Variants in NEGR1 observed in about 807,000 individuals in gnomAD.
NEGR1 encodes neuronal growth regulator 1.
A neutral mutation model predicts 40.9 loss-of-function variants in NEGR1; 10 were observed. The ratio of observed to expected loss-of-function variants is 0.24; its 90% CI spans 0.15 to 0.42. The LOEUF is 0.42. NEGR1 is among the 10% of genes least tolerant of loss of function. NEGR1 has a pLI of 1.00. For synonymous variants in NEGR1, 185 were observed against 166.8 expected (o/e 1.11, Z -0.84); for missense variants, 352 against 438.9 (o/e 0.80, Z 1.77).
At chr1:71,501,158 G>A (rs1421076426) in intron 6 of NEGR1, among the ~76,000 whole-genome samples, 1 of 151,974 alleles carries the variant, frequency 6.6e-6, no homozygotes, top group Non-Finnish European at 1.5e-5. Context: ...CACATGTGCA[G>A]GCATGTGTGC....
intron 1 of NEGR1, among the ~76,000 whole-genome samples, chr1:72,073,008 A>G (rs956116353): frequency 3.3e-5 from 5 of 152,200 alleles, no homozygotes; most frequent in African/African-American, 1.2e-4. Flanking sequence ...CAAGATAGAG[A>G]TTTGTATATA....
chr1:71,753,716 C>T (rs1553163056), intron 3 of NEGR1, among the ~76,000 whole-genome samples: 1 of 152,066 alleles, frequency 6.6e-6, no homozygotes, highest in Admixed American at 6.6e-5. Flanking sequence ...AGATCCATAT[C>T]ACTTTTCATG....
intron 6 of NEGR1, among the ~76,000 whole-genome samples, chr1:71,502,310 C>T (rs1436257008): frequency 6.6e-6 from 1 of 152,106 alleles, no homozygotes; most frequent in African/African-American, 2.4e-5. Flanking sequence ...ACTTAGGCAA[C>T]GTCCAGGAAG....
intron 2 of NEGR1, among the ~76,000 whole-genome samples, chr1:71,877,629 T>C (rs1660469081): frequency 6.6e-6 from 1 of 152,190 alleles, no homozygotes. Flanking sequence ...GTTAGGACTT[T>C]AACGTATGAA....
intron 6 of NEGR1, among the ~76,000 whole-genome samples, chr1:71,534,834 T>A (rs909006582): frequency 6.6e-6 from 1 of 151,612 alleles, no homozygotes; most frequent in African/African-American, 2.4e-5. Context: ...CTATAAAATG[T>A]CAGGTTTCAA....
At chr1:72,144,849 T>C (rs1217000517) in intron 1 of NEGR1, among the ~76,000 whole-genome samples, 1 of 152,084 alleles carries the variant, frequency 6.6e-6, no homozygotes, top group East Asian at 1.9e-4. Flanking sequence ...GATTTTTCTC[T>C]GATTTCCTTG....
At chr1:72,037,250 A>C (rs977875463) in intron 1 of NEGR1, among the ~76,000 whole-genome samples, 5 of 152,216 alleles carry the variant, frequency 3.3e-5, no homozygotes, top group Non-Finnish European at 7.3e-5. Context: ...GAAAAATTAA[A>C]AATAAAGCTT....
intron 1 of NEGR1, among the ~76,000 whole-genome samples, chr1:72,176,964 A>G (rs1488733347): frequency 6.6e-6 from 1 of 152,024 alleles, no homozygotes; most frequent in Non-Finnish European, 1.5e-5. Context: ...GATGAGATCG[A>G]GCGCGTTCAG....
intron 1 of NEGR1, among the ~76,000 whole-genome samples, chr1:72,135,375 CAAA>C (rs71074819): frequency 1.4e-5 from 1 of 71,382 alleles, no homozygotes; most frequent in Non-Finnish European, 2.6e-5. Flanking sequence ...GACTCCGTCT[CAAA>C]AAAAAAAAAA....
At chr1:71,750,574 G>T (rs1402396725) in intron 3 of NEGR1, among the ~76,000 whole-genome samples, 4 of 152,152 alleles carry the variant, frequency 2.6e-5, no homozygotes, top group African/African-American at 9.7e-5. Flanking sequence ...GAGAACTTAT[G>T]CAGGGGAACT....
In NEGR1 at chr1:71,731,809, C is replaced by T. The variant is rs146437993; in HGVS notation, c.536-33670G>A. Among the ~76,000 whole-genome samples, 555 of 152,284 alleles carry T rather than the reference C, an allele frequency of 3.6e-3. 1 individual carries two copies. Among genetic ancestry groups the T allele is most frequent in the Non-Finnish European group, 6.5e-3 (439 of 68,018 alleles). On this transcript the variant is annotated intron_variant, in intron 3 of 6. Coordinates refer to ENST00000357731, the MANE Select transcript of NEGR1 (RefSeq NM_173808.3). ...ACAATTACACAGCACTGATATAAAA[C>T]TGTCAAGATTTAGTTTTAAGGTCGT...
chr1:72,093,341 A>AAAAAAAAAAAAAAG (rs1179635064), intron 1 of NEGR1, among the ~76,000 whole-genome samples: 12 of 151,416 alleles, frequency 7.9e-5, no homozygotes, highest in African/African-American at 2.9e-4. Flanking sequence ...AAAAAAAAAA[A>AAAAAAAAAAAAAAG]AAGATGCTCA....
intron 2 of NEGR1, among the ~76,000 whole-genome samples, chr1:71,905,387 C>G (rs1661249359): frequency 6.6e-6 from 1 of 151,756 alleles, no homozygotes; most frequent in Non-Finnish European, 1.5e-5. Context: ...CATCTAATCT[C>G]ATTTTTTATC....
At chr1:71,826,306 TG>T (rs1304444115) in intron 2 of NEGR1, among the ~76,000 whole-genome samples, 1 of 151,996 alleles carries the variant, frequency 6.6e-6, no homozygotes, top group African/African-American at 2.4e-5. Context: ...ACTTTCATGA[TG>T]ATAGAGTTTT....
intron 3 of NEGR1, among the ~76,000 whole-genome samples, chr1:71,701,938 T>C (rs1001228610): frequency 1.8e-4 from 27 of 152,026 alleles, no homozygotes; most frequent in African/African-American, 6.3e-4. Context: ...AATGTAAGTC[T>C]GAGAAGTGTT....
At chr1:71,656,760 G>C (rs1398645989) in intron 4 of NEGR1, among the ~76,000 whole-genome samples, 1 of 152,154 alleles carries the variant, frequency 6.6e-6, no homozygotes, top group Non-Finnish European at 1.5e-5. Flanking sequence ...TGACACAAGG[G>C]GAACTCTCCT....
At chr1:72,271,642 T>C (rs990817772) in intron 1 of NEGR1, among the ~76,000 whole-genome samples, 39 of 151,876 alleles carry the variant, frequency 2.6e-4, no homozygotes, top group Non-Finnish European at 7.4e-5. Context: ...TTTTCAAACT[T>C]CAATACGTAC....
intron 1 of NEGR1, among the ~76,000 whole-genome samples, chr1:72,280,618 A>G (rs1367798654): frequency 2.0e-5 from 3 of 152,202 alleles, no homozygotes; most frequent in Non-Finnish European, 4.4e-5. Flanking sequence ...TGTAATATCA[A>G]AGATATTAGT....
intron 2 of NEGR1, among the ~76,000 whole-genome samples, chr1:71,878,776 G>C (rs1182487391): frequency 1.3e-5 from 2 of 152,112 alleles, no homozygotes; most frequent in Non-Finnish European, 2.9e-5. Context: ...AGCCATACTA[G>C]TGTGGGGACA....
Sources: gnomAD v4.1 joint callset for allele counts (sites outside exome capture counted in the v4.1 genomes callset) on GRCh38, gnomAD v4.1.1 for gene constraint, MANE v1.5 for transcripts, NCBI Gene and HGNC (gene_info 2026-07-23, HGNC 2026-07-21) for gene names.